CHLSN: variants seen among roughly 807,000 people sequenced by gnomAD.
The protein encoded by CHLSN is protein cholesin.
At chr7:1,125,140 G>C in the CHLSN span, among the ~76,000 whole-genome samples, 1 of 152,214 alleles carries the variant, frequency 6.6e-6, no homozygotes, top group South Asian at 2.1e-4. Flanking sequence ...CGAGAGCTCA[G>C]CACTGCCTCA....
chr7:1,032,434 C>T, the CHLSN span, among the ~76,000 whole-genome samples: 1 of 152,164 alleles, frequency 6.6e-6, no homozygotes, highest in East Asian at 1.9e-4. Context: ...GGCCCTGGCC[C>T]TAAGAGGCCA....
the CHLSN span, among the ~76,000 whole-genome samples, chr7:1,022,542 G>T: frequency 6.6e-6 from 1 of 152,064 alleles, no homozygotes; most frequent in African/African-American, 2.4e-5. Context: ...GAGGGAACAC[G>T]GGACGCCCAC....
chr7:1,136,560 A>G, the CHLSN span, among the ~76,000 whole-genome samples: 1 of 76,580 alleles, frequency 1.3e-5, no homozygotes, highest in Non-Finnish European at 2.4e-5. Flanking sequence ...AAACATATAT[A>G]AACATATAAA....
chr7:1,102,444 A>G, the CHLSN span, among the ~76,000 whole-genome samples: 1 of 152,248 alleles, frequency 6.6e-6, no homozygotes, highest in South Asian at 2.1e-4. Flanking sequence ...CACGACTGTG[A>G]AGCTCACAGC....
the CHLSN span, among the ~76,000 whole-genome samples, chr7:994,515 C>T: frequency 6.6e-6 from 1 of 152,138 alleles, no homozygotes; most frequent in Admixed American, 6.5e-5. Context: ...GTAATCACTG[C>T]TCACTGCAGC....
the CHLSN span, among the ~76,000 whole-genome samples, chr7:991,591 T>C: frequency 1.3e-5 from 2 of 152,182 alleles, no homozygotes; most frequent in Non-Finnish European, 2.9e-5. Context: ...GCCGGCCAGG[T>C]GCACAGGCAC....
At chr7:1,136,250 T>A in the CHLSN span, among the ~76,000 whole-genome samples, 1 of 117,372 alleles carries the variant, frequency 8.5e-6, no homozygotes, top group African/African-American at 3.5e-5. Flanking sequence ...TATATATAAA[T>A]ATATATAAAC....
At chr7:1,011,195 C>T in the CHLSN span, among the ~76,000 whole-genome samples, 2 of 139,316 alleles carry the variant, frequency 1.4e-5, no homozygotes, top group South Asian at 2.2e-4. Context: ...CTCACCCACC[C>T]ACACCCACAG....
the CHLSN span, among the ~76,000 whole-genome samples, chr7:1,083,041 C>T: frequency 6.6e-6 from 1 of 152,238 alleles, no homozygotes; most frequent in Non-Finnish European, 1.5e-5. Flanking sequence ...GATATTCCGC[C>T]ATGTGCTCCT....
At chr7:1,029,737 G>A in the CHLSN span, among the ~76,000 whole-genome samples, 3 of 152,226 alleles carry the variant, frequency 2.0e-5, no homozygotes, top group African/African-American at 7.2e-5. Flanking sequence ...GGCCACCCCT[G>A]CCTGGGGAGA....
chr7:1,133,074 G>A, the CHLSN span, among the ~76,000 whole-genome samples: 13 of 152,254 alleles, frequency 8.5e-5, no homozygotes, highest in Middle Eastern at 6.8e-3. Context: ...AAGACGTGGC[G>A]TATTCACACA....
the CHLSN span, among the ~76,000 whole-genome samples, chr7:981,495 G>A: frequency 6.6e-6 from 1 of 151,106 alleles, no homozygotes; most frequent in Admixed American, 6.6e-5. Flanking sequence ...GGCGGATCAT[G>A]ATGAGGTCAA....
the CHLSN span, among the ~76,000 whole-genome samples, chr7:1,044,177 C>A: frequency 1.3e-5 from 2 of 152,230 alleles, no homozygotes; most frequent in African/African-American, 4.8e-5. Flanking sequence ...TAACTTGCAG[C>A]CACTCATTTC....
chr7:1,123,272 T>C, the CHLSN span, among the ~76,000 whole-genome samples: 2 of 152,166 alleles, frequency 1.3e-5, no homozygotes, highest in African/African-American at 4.8e-5. This position sits in a 1 kb window ranked among gnomAD's most constrained non-coding sequence, Gnocchi z 4.4. Context: ...TTCCCATCAC[T>C]TGGGGACGTG....
the CHLSN span, among the ~76,000 whole-genome samples, chr7:1,063,753 C>T: frequency 2.0e-5 from 3 of 152,214 alleles, no homozygotes; most frequent in Non-Finnish European, 4.4e-5. Flanking sequence ...TCCAAAGAAG[C>T]GCCTCTTTAG....
chr7:1,137,821 G>C, the CHLSN span: 2 of 152,166 alleles, frequency 1.3e-5, no homozygotes, highest in Non-Finnish European at 2.9e-5. Flanking sequence ...AATTGAAAAA[G>C]AGAAAGTGGG....
the CHLSN span, among the ~76,000 whole-genome samples, chr7:1,074,247 C>A: frequency 1.0e-5 from 1 of 95,606 alleles, no homozygotes; most frequent in Non-Finnish European, 2.1e-5. Flanking sequence ...TCCCCCGACC[C>A]CGCACCCCGC....
chr7:1,007,504 C>T, the CHLSN span, among the ~76,000 whole-genome samples: 1 of 152,180 alleles, frequency 6.6e-6, no homozygotes, highest in African/African-American at 2.4e-5. Context: ...CCGTGGGCTC[C>T]ACACATCCAC....
the CHLSN span, among the ~76,000 whole-genome samples, chr7:1,008,077 G>A: frequency 2.6e-5 from 4 of 152,190 alleles, no homozygotes; most frequent in Non-Finnish European, 5.9e-5. Flanking sequence ...AGGCATCAGG[G>A]CAGGTCCAGA....
Sources: allele counts gnomAD v4.1 joint callset (sites outside exome capture counted in the v4.1 genomes callset), GRCh38; gene constraint gnomAD v4.1.1; non-coding constraint Gnocchi (gnomAD v3.1); transcripts MANE v1.5; gene names NCBI Gene and HGNC (gene_info 2026-07-23, HGNC 2026-07-21).